Variants in SPATA16 observed in about 807,000 individuals in gnomAD.
SPATA16 encodes the protein spermatogenesis-associated protein 16.
SPATA16 carries 36 observed loss-of-function variants against 63.3 expected under a neutral mutation model. The ratio of observed to expected loss-of-function variants is 0.57; its 90% CI spans 0.44 to 0.75. The LOEUF (loss-of-function observed/expected upper bound fraction) is 0.75. Ranked by LOEUF, SPATA16 falls within the 30% of genes least tolerant of loss-of-function variation. SPATA16 has a pLI of 0.00. For synonymous variants in SPATA16, 203 were observed against 216.7 expected (o/e 0.94, Z 0.56); for missense variants, 646 against 679.3 (o/e 0.95, Z 0.54).
In SPATA16 at chr3:172,889,669, T is replaced by C. The variant is rs767175650; in HGVS notation, c.1611A>G (p.Leu537=). 1.9e-6 allele frequency: 3 copies of C among 1,613,522 alleles called. No individual in the cohort carries two copies. The highest frequency in any genetic ancestry group is 2.2e-5 in the East Asian group (1 of 44,874). The change falls in exon 11 of 11, where the codon CTA becomes CTG. Residue 537 remains leucine (L), a synonymous_variant. Transcript: ENST00000351008. The part of the protein sequence containing the change: ...IQKVGQIEDF[L]YQLEDSFLKT... ...TTAAGAAACTGTCCTCTAATTGGTA[T>C]AGAAAATCTTCAATTTGTCCAACCT... is the stretch of plus-strand genomic sequence containing the variant.
At chr3:173,023,451 C>T (rs1372283178) in intron 3 of SPATA16, among the ~76,000 whole-genome samples, 1 of 151,884 alleles carries the variant, frequency 6.6e-6, no homozygotes, top group African/African-American at 2.4e-5. Flanking sequence ...AAACAACTGC[C>T]TAATGTCCTC....
Position 172,925,463 on chromosome 3 carries a change from T to C in SPATA16, c.1111A>G (p.Thr371Ala). Residue 371 changes from threonine (T) to alanine (A), a missense_variant, in exon 7 of 11, where the codon ACA becomes GCA. Transcript: ENST00000351008. ...GGAGGAAAAGATGACCAGTCAACTGTCTGAGGCAACATGTGGAGTGCTTGA... is the reference window on the plus strand; with the variant it reads ...GGAGGAAAAGATGACCAGTCAACTGCCTGAGGCAACATGTGGAGTGCTTGA... The part of the protein sequence containing the change: ...DLQALHMLPQ[T>A]VDWSSFPPQQ... The C allele has an allele frequency of 6.2e-7, 1 of 1,614,056 alleles. No individual in the cohort carries two copies.
chr3:172,907,065 C>G (rs1045080180), intron 10 of SPATA16, among the ~76,000 whole-genome samples: 1 of 152,164 alleles, frequency 6.6e-6, no homozygotes, highest in African/African-American at 2.4e-5. Flanking sequence ...TAACTCCTAT[C>G]CTTTCGTTTG....
At chr3:173,027,990 C>G (rs1735492502) in intron 3 of SPATA16, among the ~76,000 whole-genome samples, 1 of 55,290 alleles carries the variant, frequency 1.8e-5, no homozygotes, top group Non-Finnish European at 3.4e-5. Context: ...TCCCTCCCTC[C>G]CTCCCTCCCT....
intron 2 of SPATA16, among the ~76,000 whole-genome samples, chr3:173,078,258 C>T (rs1736849959): frequency 6.6e-6 from 1 of 152,114 alleles, no homozygotes; most frequent in Non-Finnish European, 1.5e-5. Flanking sequence ...CTCTTAACCA[C>T]TGCATTCTTA....
chr3:173,104,696 A>G (rs989406793), intron 2 of SPATA16, among the ~76,000 whole-genome samples: 1 of 152,194 alleles, frequency 6.6e-6, no homozygotes, highest in African/African-American at 2.4e-5. Context: ...ACATCTCTGC[A>G]TGAGATTTGG....
chr3:173,121,924 G>A (rs1162935136), intron 1 of SPATA16, among the ~76,000 whole-genome samples: 1 of 151,952 alleles, frequency 6.6e-6, no homozygotes, highest in Non-Finnish European at 1.5e-5. Context: ...TTTTTTAGTA[G>A]TCAAGTTGAT....
intron 4 of SPATA16, among the ~76,000 whole-genome samples, chr3:172,978,245 C>A (rs1734215693): frequency 1.3e-5 from 2 of 151,598 alleles, no homozygotes; most frequent in Non-Finnish European, 1.5e-5. Context: ...TTAAGAATAG[C>A]TAATTTAAGA....
intron 2 of SPATA16, among the ~76,000 whole-genome samples, chr3:173,052,871 A>G (rs115699474): frequency 2.2e-4 from 33 of 152,344 alleles, no homozygotes; most frequent in African/African-American, 7.9e-4. Flanking sequence ...AAATTACCTG[A>G]AATAGTATAT....
intron 3 of SPATA16, among the ~76,000 whole-genome samples, chr3:173,025,061 T>C (rs948382469): frequency 6.6e-6 from 1 of 150,978 alleles, no homozygotes; most frequent in Non-Finnish European, 1.5e-5. Flanking sequence ...TATTTTTTTC[T>C]TATAACTTTT....
chr3:173,051,666 C>T (rs1736098265), intron 2 of SPATA16, among the ~76,000 whole-genome samples: 1 of 152,000 alleles, frequency 6.6e-6, no homozygotes, highest in African/African-American at 2.4e-5. Flanking sequence ...ATGAAATCAG[C>T]CTTTGTTTCC....
chr3:173,024,213 A>C (rs947592457), intron 3 of SPATA16, among the ~76,000 whole-genome samples: 2 of 151,622 alleles, frequency 1.3e-5, no homozygotes, highest in African/African-American at 4.8e-5. Context: ...GCAATAATTT[A>C]ATTTTATTTA....
At chr3:173,114,978 G>A (rs1053853939) in intron 2 of SPATA16, among the ~76,000 whole-genome samples, 1 of 152,232 alleles carries the variant, frequency 6.6e-6, no homozygotes, top group Non-Finnish European at 1.5e-5. Flanking sequence ...AGATGTCTAA[G>A]CTAAGTTTTG....
intron 1 of SPATA16, among the ~76,000 whole-genome samples, chr3:173,131,746 A>T (rs144477777): frequency 6.6e-6 from 1 of 152,308 alleles, no homozygotes; most frequent in African/African-American, 2.4e-5. Context: ...GGTAGACTAC[A>T]GGTAGACTTC....
At chr3:172,910,371 C>T (rs1453669864) in intron 10 of SPATA16, among the ~76,000 whole-genome samples, 3 of 152,212 alleles carry the variant, frequency 2.0e-5, no homozygotes, top group East Asian at 1.9e-4. Flanking sequence ...GGGTTACAGG[C>T]GTGAGCCACT....
intron 4 of SPATA16, among the ~76,000 whole-genome samples, chr3:173,017,742 T>C (rs1158280195): frequency 1.3e-5 from 2 of 152,360 alleles, no homozygotes; most frequent in Admixed American, 6.5e-5. Flanking sequence ...TAGCCTTCTA[T>C]TGATCTTTCA....
intron 2 of SPATA16, among the ~76,000 whole-genome samples, chr3:173,063,381 G>A (rs1020044948): frequency 1.1e-4 from 17 of 152,166 alleles, no homozygotes; most frequent in African/African-American, 3.9e-4. Context: ...AGGACTCTAC[G>A]GTTGGTCAGA....
intron 1 of SPATA16, among the ~76,000 whole-genome samples, chr3:173,137,820 TCAACA>T (rs1738588279): frequency 1.2e-5 from 1 of 81,818 alleles, no homozygotes; most frequent in South Asian, 4.8e-4. Flanking sequence ...CCATGGACTC[TCAACA>T]CACACACACA....
Position 173,016,868 on chromosome 3 carries a change from G to A in SPATA16, c.848+2618C>T, listed in dbSNP as rs566891891. 5.9e-5 allele frequency among the ~76,000 whole-genome samples: 9 copies of A among 152,198 alleles called. No individual in the cohort carries two copies. In the South Asian group the frequency reaches 1.9e-3, roughly 32 times the overall value. On this transcript the variant is annotated intron_variant, in intron 4 of 10. Transcript: ENST00000351008. ...ATCTAGACTAAAAATACAAAAATTA[G>A]CTGGGTGTGGTGGTGTGTGCCTATA...
Sources: allele counts gnomAD v4.1 joint callset (sites outside exome capture counted in the v4.1 genomes callset), GRCh38; gene constraint gnomAD v4.1.1; transcripts MANE v1.5; gene names NCBI Gene and HGNC (gene_info 2026-07-23, HGNC 2026-07-21).